Variants in MCPH1 observed in about 807,000 individuals in gnomAD.
The protein encoded by MCPH1 is microcephalin.
MCPH1 carries 104 observed loss-of-function variants against 84.5 expected under a neutral mutation model. That is an observed-to-expected ratio of 1.23 (90% confidence interval 1.05 to 1.45). The LOEUF is 1.45. MCPH1 is among the 40% of genes most tolerant of loss of function. The pLI is 0.00. For synonymous variants in MCPH1, 514 were observed against 366.8 expected, an observed-to-expected ratio of 1.40 and a Z score of -4.58; for missense variants, 1,498 against 1,005.7, an observed-to-expected ratio of 1.49 and a Z score of -6.62.
intron 2 of MCPH1, among the ~76,000 whole-genome samples, chr8:6,412,454 G>T (rs547590453): frequency 6.6e-6 from 1 of 152,308 alleles, no homozygotes; most frequent in African/African-American, 2.4e-5. Context: ...CGTTAACATC[G>T]TAAGATTTGG....
At chr8:6,479,961 T>C (rs1347687945) in intron 10 of MCPH1, among the ~76,000 whole-genome samples, 3 of 152,130 alleles carry the variant, frequency 2.0e-5, no homozygotes, top group African/African-American at 7.2e-5. Flanking sequence ...AACTATGTGT[T>C]GATACTCAAT....
At chr8:6,537,584 T>A (rs889421218) in intron 12 of MCPH1, among the ~76,000 whole-genome samples, 4 of 151,492 alleles carry the variant, frequency 2.6e-5, no homozygotes, top group Non-Finnish European at 5.9e-5. Flanking sequence ...ATATATATAT[T>A]TTAGTGCAAA....
chr8:6,442,467 C>G (rs552097221), intron 7 of MCPH1, among the ~76,000 whole-genome samples: 75 of 152,158 alleles, frequency 4.9e-4, no homozygotes, highest in African/African-American at 1.7e-3. Context: ...GAACTGAGGT[C>G]AGAGCTAAGG....
intron 10 of MCPH1, among the ~76,000 whole-genome samples, chr8:6,478,791 T>G (rs186410681): frequency 1.8e-4 from 28 of 152,328 alleles, no homozygotes; most frequent in African/African-American, 6.3e-4. Context: ...GTTTAATTAT[T>G]TTTCTTGACT....
rs117382926 is a variant in MCPH1 at position 6,554,345 on chromosome 8, T to C, written c.2214+54416T>C. Reference sequence around the variant, plus strand: ...TGGAAAGGCTGGCTGCTTGCTTCCTTTTAAGACTTTGTTCACGTTCTCGCC... The same window carrying C: ...TGGAAAGGCTGGCTGCTTGCTTCCTCTTAAGACTTTGTTCACGTTCTCGCC... On this transcript the variant is annotated intron_variant, in intron 12 of 13. Transcript: ENST00000344683. Among the ~76,000 whole-genome samples the C allele has an allele frequency of 3.3e-5, 5 of 152,034 alleles. No individual in the cohort carries two copies. In the East Asian group the frequency reaches 9.7e-4, roughly 29 times the overall value.
intron 12 of MCPH1, among the ~76,000 whole-genome samples, chr8:6,536,689 A>G (rs1314246345): frequency 6.6e-6 from 1 of 152,190 alleles, no homozygotes; most frequent in East Asian, 1.9e-4. Context: ...CCAAATAAAG[A>G]TGTCCCATTT....
At chr8:6,421,070 C>T (rs1487501021) in intron 3 of MCPH1, among the ~76,000 whole-genome samples, 1 of 152,148 alleles carries the variant, frequency 6.6e-6, no homozygotes, top group Non-Finnish European at 1.5e-5. Flanking sequence ...GGTGGGCTGC[C>T]CGCATGCACA....
rs530944352 is a variant in MCPH1, at chr8:6,504,131, AC to A, written c.2214+4203del. Among the ~76,000 whole-genome samples, 1,388 of 152,166 alleles carry A rather than the reference AC, an allele frequency of 9.1e-3. 22 individuals are homozygous for A. The highest frequency in any genetic ancestry group is 0.031 in the African/African-American group (1,304 of 41,534). Reference sequence around the variant, plus strand: ...CAGGAGACCGAGACCATCCTGGCTAACACGGTGAAACCCCGTCTCTACTAAA... The same window carrying A: ...CAGGAGACCGAGACCATCCTGGCTAAACGGTGAAACCCCGTCTCTACTAAA... On this transcript the variant is annotated intron_variant, in intron 12 of 13. Transcript: ENST00000344683.
intron 12 of MCPH1, among the ~76,000 whole-genome samples, chr8:6,538,671 A>G (rs1820948614): frequency 6.6e-6 from 1 of 151,994 alleles, no homozygotes. Context: ...AAGCAAAGAT[A>G]CTCGTTTTGT....
intron 3 of MCPH1, among the ~76,000 whole-genome samples, chr8:6,418,587 TATC>T (rs1391571190): frequency 6.6e-6 from 1 of 152,152 alleles, no homozygotes; most frequent in African/African-American, 2.4e-5. Flanking sequence ...TTTTTTATTT[TATC>T]ATTTTTTTTT....
At chr8:6,606,402 A>G (rs1002884127) in intron 12 of MCPH1, among the ~76,000 whole-genome samples, 2 of 152,226 alleles carry the variant, frequency 1.3e-5, no homozygotes, top group African/African-American at 4.8e-5. Context: ...TCTTGAACCA[A>G]ACCATGGCTT....
intron 9 of MCPH1, among the ~76,000 whole-genome samples, chr8:6,456,801 T>C (rs1805727177): frequency 6.6e-6 from 1 of 152,048 alleles, no homozygotes; most frequent in Non-Finnish European, 1.5e-5. Context: ...TTCAGACGAG[T>C]GGTATTGCCT....
At chr8:6,563,031 G>A (rs916521553) in intron 12 of MCPH1, 2 of 1,325,206 alleles carry the variant, frequency 1.5e-6, no homozygotes, top group East Asian at 2.4e-5. Flanking sequence ...GGGCTGCTAC[G>A]CTGCCATGGC....
chr8:6,486,266 C>A (rs1042869517), intron 11 of MCPH1, among the ~76,000 whole-genome samples: 27 of 100,924 alleles, frequency 2.7e-4, no homozygotes, highest in Non-Finnish European at 4.8e-4. Flanking sequence ...CAAGGAATCT[C>A]TCTCTCTCTC....
Position 6,648,139 on chromosome 8 carries a change from C to G in MCPH1, c.*5090C>G, listed in dbSNP as rs17077753. ...GCAGTCCCCAGCCAATACGTGGGCA[C>G]AGAAAGGCACAGGGCATGGCTGATT... On this transcript the variant is annotated 3_prime_UTR_variant, in exon 14 of 14. Transcript: ENST00000344683. The G allele has an allele frequency of 6.6e-6, 1 of 152,190 alleles. No homozygotes were observed. Among genetic ancestry groups the G allele is most frequent in the Non-Finnish European group, 1.5e-5 (1 of 68,048 alleles). 9.4% of individuals were successfully genotyped at this position (152,190 alleles called of 1,614,324 possible).
intron 8 of MCPH1, chr8:6,447,561 T>A (rs1804580081): frequency 2.3e-6 from 1 of 442,474 alleles, no homozygotes; most frequent in African/African-American, 2.1e-5. Context: ...GTTTTTTAGT[T>A]TTTTTTGAGA....
chr8:6,532,274 G>A (rs1211846551), intron 12 of MCPH1: 7 of 1,597,730 alleles, frequency 4.4e-6, no homozygotes, highest in South Asian at 2.3e-5. Context: ...CTCCTGACGC[G>A]ACTGAGTGCT....
chr8:6,453,003 G>T (rs1585860806), intron 8 of MCPH1, among the ~76,000 whole-genome samples: 1 of 152,226 alleles, frequency 6.6e-6, no homozygotes, highest in Non-Finnish European at 1.5e-5. Context: ...AAGGTACAGA[G>T]AATTAGGTCT....
rs144396517 is a variant in MCPH1 at position 6,599,938 on chromosome 8, A to T, written c.2215-21516A>T. On this transcript the variant is annotated intron_variant, in intron 12 of 13. Transcript: ENST00000344683. Reference sequence around the variant, plus strand: ...TGCAATTACTAATTCAAAAGTAACCATTACTCTGGGGAATTGTATTAGAGA... The same window carrying T: ...TGCAATTACTAATTCAAAAGTAACCTTTACTCTGGGGAATTGTATTAGAGA... Among the ~76,000 whole-genome samples, 19 of 152,356 alleles carry T rather than the reference A, an allele frequency of 1.2e-4. No homozygotes were observed. In the East Asian group the frequency reaches 3.5e-3, roughly 28 times the overall value.
Sources: gnomAD v4.1 joint callset for allele counts (sites outside exome capture counted in the v4.1 genomes callset) on GRCh38, gnomAD v4.1.1 for gene constraint, MANE v1.5 for transcripts, NCBI Gene and HGNC (gene_info 2026-07-23, HGNC 2026-07-21) for gene names.